The following PCDH15 variants were observed in gnomAD, a reference collection of about 807,000 sequenced individuals.
The protein encoded by PCDH15 is protocadherin-15.
PCDH15 carries 129 observed loss-of-function variants against 178.5 expected under a neutral mutation model. The ratio of observed to expected loss-of-function variants is 0.72; its 90% confidence interval spans 0.63 to 0.84. The LOEUF is 0.84. PCDH15 is among the 40% of genes least tolerant of loss of function. The probability of loss-of-function intolerance (pLI) is 0.00; values close to 1 mark genes in which losing one functional copy is unlikely to be tolerated. For synonymous variants in PCDH15, 800 were observed against 732.0 expected, an observed-to-expected ratio of 1.09 and a Z score of -1.50; for missense variants, 2,230 against 2,099.9, an observed-to-expected ratio of 1.06 and a Z score of -1.21.
intron 1 of PCDH15, among the ~76,000 whole-genome samples, chr10:55,315,876 C>T (rs1294655010): frequency 5.3e-5 from 8 of 151,938 alleles, no homozygotes; most frequent in African/African-American, 1.2e-4. Context: ...ATTTGCCAGG[C>T]GTGGTGGTGC....
intron 32 of PCDH15, among the ~76,000 whole-genome samples, chr10:53,825,911 G>A (rs916189510): frequency 6.6e-6 from 1 of 151,468 alleles, no homozygotes; most frequent in Non-Finnish European, 1.5e-5. Flanking sequence ...CTTAGGTATT[G>A]CTATTTGAAA....
intron 1 of PCDH15, among the ~76,000 whole-genome samples, chr10:54,723,137 T>C (rs151074179): frequency 4.6e-5 from 7 of 151,838 alleles, no homozygotes; most frequent in African/African-American, 9.6e-5. Context: ...ATTGTGTGAT[T>C]TCAAATTATA....
intron 5 of PCDH15, among the ~76,000 whole-genome samples, chr10:54,367,278 GA>G (rs1946948730): frequency 6.6e-6 from 1 of 152,108 alleles, no homozygotes; most frequent in African/African-American, 2.4e-5. Context: ...AGGTCTGCCA[GA>G]AGAAGTGACC....
chr10:55,234,759 G>T (rs895247425), intron 1 of PCDH15, among the ~76,000 whole-genome samples: 2 of 151,862 alleles, frequency 1.3e-5, no homozygotes. Flanking sequence ...TTGCCTAATA[G>T]AATCACACTT....
intron 2 of PCDH15, among the ~76,000 whole-genome samples, chr10:55,560,886 A>G (rs189218277): frequency 3.6e-4 from 54 of 152,008 alleles, no homozygotes; most frequent in Non-Finnish European, 6.5e-4. Flanking sequence ...AATAAGGGAA[A>G]CAGGAAAATA....
chr10:54,647,785 C>T (rs376599691), intron 2 of PCDH15, among the ~76,000 whole-genome samples: 345 of 152,140 alleles, frequency 2.3e-3, no homozygotes, highest in African/African-American at 7.9e-3. Flanking sequence ...CTGGCTCACC[C>T]CAGAAAATGC....
In PCDH15 at chr10:53,888,664, GATATATAT is replaced by G. The variant is rs59914675; in HGVS notation, c.3501+14571_3501+14578del. Among the ~76,000 whole-genome samples, 23 of 17,024 alleles carry G rather than the reference GATATATAT, an allele frequency of 1.4e-3. 1 individual carries two copies. Among genetic ancestry groups the G allele is most frequent in the South Asian group, 5.6e-3 (2 of 356 alleles). 11.2% of individuals were successfully genotyped at this position (17,024 alleles called of 152,430 possible). Reference sequence around the variant, plus strand: ...TTTCAATTCCCTAGCAGTTAAGTTTGATATATATATATATATATATATATATATATATA... The same window carrying G: ...TTTCAATTCCCTAGCAGTTAAGTTTGATATATATATATATATATATATATA... On this transcript the variant is annotated intron_variant, in intron 26 of 37. Coordinates refer to ENST00000644397, the MANE Select transcript of PCDH15 (RefSeq NM_001384140.1).
intron 10 of PCDH15, among the ~76,000 whole-genome samples, chr10:54,197,194 CT>C (rs961137185): frequency 1.1e-4 from 16 of 142,112 alleles, no homozygotes; most frequent in African/African-American, 4.2e-4. Context: ...TATAAATTTT[CT>C]TTTTTTTCTC....
At chr10:53,870,625 C>T (rs1419251811) in intron 26 of PCDH15, among the ~76,000 whole-genome samples, 1 of 152,126 alleles carries the variant, frequency 6.6e-6, no homozygotes, top group Admixed American at 6.5e-5. Flanking sequence ...GATGAAAATT[C>T]CAATGGGTGC....
At chr10:54,325,868 C>T (rs977135757) in intron 7 of PCDH15, among the ~76,000 whole-genome samples, 10 of 152,032 alleles carry the variant, frequency 6.6e-5, no homozygotes, top group Non-Finnish European at 1.3e-4. Flanking sequence ...GAGATCGCAC[C>T]ACTGTACTTC....
At chr10:54,124,083 A>T (rs1004426525) in intron 15 of PCDH15, among the ~76,000 whole-genome samples, 2 of 152,182 alleles carry the variant, frequency 1.3e-5, no homozygotes, top group African/African-American at 2.4e-5. Flanking sequence ...TGACAGGATT[A>T]ATTGTACCCC....
intron 10 of PCDH15, among the ~76,000 whole-genome samples, chr10:54,197,339 ATATG>A (rs2049779628): frequency 6.6e-6 from 1 of 151,986 alleles, no homozygotes; most frequent in East Asian, 1.9e-4. Context: ...ATATTTTATT[ATATG>A]TGTATTGGAA....
chr10:54,753,768 A>G (rs1358747908), intron 1 of PCDH15, among the ~76,000 whole-genome samples: 2 of 152,142 alleles, frequency 1.3e-5, no homozygotes, highest in South Asian at 2.1e-4. Flanking sequence ...TCCTGAGCAC[A>G]GAAAGGTGAC....
rs1316176579 is a variant in PCDH15, at chr10:55,261,777, A to C, written c.-156+57822T>G. 2.6e-5 allele frequency among the ~76,000 whole-genome samples: 4 copies of C among 152,228 alleles called. No homozygotes were observed. The East Asian group carries it at 7.7e-4, about 29-fold the overall frequency. On this transcript the variant is annotated intron_variant, in intron 1 of 5. Coordinates refer to the PCDH15 transcript ENST00000458638. The stretch of plus-strand genomic sequence containing the variant: ...ATAAGTTTTTCTAAATCATATTTAA[A>C]AAGTAAATTCTAGACTTATATCCAG...
chr10:53,983,050 G>A (rs2090799440), intron 21 of PCDH15, among the ~76,000 whole-genome samples: 1 of 151,860 alleles, frequency 6.6e-6, no homozygotes, highest in Admixed American at 6.6e-5. Context: ...TAAGTAATTT[G>A]TTTTCAAGAA....
At chr10:53,855,924 ATG>A (rs1235176379) in intron 28 of PCDH15, among the ~76,000 whole-genome samples, 2 of 140,908 alleles carry the variant, frequency 1.4e-5, no homozygotes, top group Admixed American at 7.4e-5. Context: ...ATATATATGT[ATG>A]TGTGTGTGTG....
intron 2 of PCDH15, among the ~76,000 whole-genome samples, chr10:54,552,381 T>C (rs994631425): frequency 6.6e-6 from 1 of 152,184 alleles, no homozygotes; most frequent in Non-Finnish European, 1.5e-5. Context: ...TTGTAAATGA[T>C]AGTATGAGAA....
chr10:55,192,133 G>C (rs996155044), intron 1 of PCDH15, among the ~76,000 whole-genome samples: 1 of 151,562 alleles, frequency 6.6e-6, no homozygotes, highest in Admixed American at 6.6e-5. Flanking sequence ...ATGTGGAACA[G>C]GCACTCCACT....
intron 1 of PCDH15, among the ~76,000 whole-genome samples, chr10:55,202,540 G>C (rs1333520503): frequency 6.6e-6 from 1 of 152,044 alleles, no homozygotes. Context: ...TTCATTAATT[G>C]CCTCCACCTA....
Sources: gnomAD v4.1 joint callset for allele counts (sites outside exome capture counted in the v4.1 genomes callset) on GRCh38, gnomAD v4.1.1 for gene constraint, MANE v1.5 for transcripts, NCBI Gene and HGNC (gene_info 2026-07-23, HGNC 2026-07-21) for gene names.